Variants in PRSS41 observed in about 807,000 individuals in gnomAD.
PRSS41 encodes the protein serine protease 41.
Under a neutral mutation model 28.8 loss-of-function variants are expected in PRSS41, and 37 were observed. The observed-to-expected ratio is 1.29, with a 90% CI of 0.99 to 1.69. The LOEUF (loss-of-function observed/expected upper bound fraction) is 1.69. PRSS41 is among the 40% of genes most tolerant of loss of function. PRSS41 has a pLI of 0.00. For synonymous variants in PRSS41, 195 were observed against 163.1 expected, an observed-to-expected ratio of 1.20 and a Z score of -1.49; for missense variants, 431 against 400.7, an observed-to-expected ratio of 1.08 and a Z score of -0.65.
At chr16:2,801,883 G>A (rs1396580663) in intron 4 of PRSS41, among the ~76,000 whole-genome samples, 3 of 152,076 alleles carry the variant, frequency 2.0e-5, no homozygotes, top group Admixed American at 6.5e-5. Flanking sequence ...GTGGTGGCCG[G>A]GCAGAGGGGC....
rs1452981403 is a variant in PRSS41 at position 2,798,679 on chromosome 16, G to A, written c.91+17G>A. 1 of 1,455,324 alleles carries A rather than the reference G, an allele frequency of 6.9e-7. No homozygotes were observed. The highest frequency in any genetic ancestry group is 9.0e-7 in the Non-Finnish European group (1 of 1,107,320). 90.2% of individuals were successfully genotyped at this position (1,455,324 alleles called of 1,614,324 possible). On this transcript the variant is annotated intron_variant, in intron 2 of 5. Coordinates refer to ENST00000399677, the Ensembl canonical transcript of PRSS41. ...TGTTGTCAGGTAGGGCGCCCAGGAC[G>A]CGCGATGCCAGCCAGGGCGGCTGGG... is the stretch of plus-strand genomic sequence containing the variant.
rs1157415203 is a variant in PRSS41 at position 2,798,553 on chromosome 16, G to C, written c.64+5G>C. 6.5e-7 allele frequency: 1 copy of C among 1,533,494 alleles called. No homozygotes were observed. Among genetic ancestry groups the C allele is most frequent in the Non-Finnish European group, 8.8e-7 (1 of 1,141,684 alleles). The allele number at this position is 1,533,494 out of a possible 1,614,324, so 95.0% of individuals were successfully genotyped here. A position where few individuals can be genotyped will look rare whatever the true frequency, so the allele number is the denominator to read the frequency against. ...GGGCTGGACTCGGGAAGCCGGGTGA[G>C]CTCGGGGCGCTACAGGCGGGACCGG... On this transcript the variant is annotated splice_donor_5th_base_variant and intron_variant, in intron 1 of 5. Transcript: ENST00000399677.
chr16:2,799,862 G>A (rs746814502), intron 4 of PRSS41, among the ~76,000 whole-genome samples: 8 of 152,262 alleles, frequency 5.3e-5, no homozygotes, highest in Non-Finnish European at 8.8e-5. Context: ...GAGTTCGGGA[G>A]GACCTGGTGA....
At chr16:2,801,877 TGGCCG>T (rs2068988618) in intron 4 of PRSS41, among the ~76,000 whole-genome samples, 1 of 151,112 alleles carries the variant, frequency 6.6e-6, no homozygotes, top group Admixed American at 6.6e-5. Context: ...GACGGGGTGG[TGGCCG>T]GGCAGAGGGG....
At position 2,804,872 on chromosome 16, in the gene PRSS41, C is replaced by G. The variant is rs557008873; in HGVS notation, c.700-42C>G. The G allele has an allele frequency of 6.0e-6, 9 of 1,491,872 alleles. No homozygotes were observed. The African/African-American group carries it at 1.3e-4, about 21-fold the overall frequency. 92.4% of individuals were successfully genotyped at this position (1,491,872 alleles called of 1,614,324 possible). A position where few individuals can be genotyped will look rare whatever the true frequency, so the allele number is the denominator to read the frequency against. On this transcript the variant is annotated intron_variant, in intron 5 of 5. Coordinates refer to ENST00000399677, the Ensembl canonical transcript of PRSS41. ...TGCTCTCATGGCCTCTGCTGCCCCA[C>G]CCACTCTGCCCCAGCCTGGGCTCAC...
intron 4 of PRSS41, among the ~76,000 whole-genome samples, chr16:2,803,569 A>G (rs1319758012): frequency 6.6e-6 from 1 of 152,252 alleles, no homozygotes; most frequent in African/African-American, 2.4e-5. Context: ...ATTACATAAG[A>G]AAAAGAGGAG....
chr16:2,801,059 G>C (rs1468152728), intron 4 of PRSS41, among the ~76,000 whole-genome samples: 1 of 152,050 alleles, frequency 6.6e-6, no homozygotes, highest in Middle Eastern at 3.2e-3. Flanking sequence ...GGCTGGTCTC[G>C]AACTCCTGAC....
exon 6 of PRSS41, chr16:2,805,139 C>T: frequency 1.3e-6 from 2 of 1,547,728 alleles, no homozygotes; most frequent in Middle Eastern, 3.4e-4. Context: ...CTGACTCCTG[C>T]AGCCATTCTG....
chr16:2,804,447 C>T, exon 5 of PRSS41: 2 of 1,551,504 alleles, frequency 1.3e-6, no homozygotes, highest in East Asian at 2.4e-5. Context: ...TAAACAACAC[C>T]AGGTGTAATT....
chr16:2,802,550 T>C (rs1420606174), intron 4 of PRSS41, among the ~76,000 whole-genome samples: 1 of 152,146 alleles, frequency 6.6e-6, no homozygotes, highest in Non-Finnish European at 1.5e-5. Context: ...GTGTAGGTTG[T>C]AGCGAGCCGA....
exon 4 of PRSS41, chr16:2,799,487 T>C: frequency 6.4e-7 from 1 of 1,552,108 alleles, no homozygotes; most frequent in Non-Finnish European, 8.7e-7. Context: ...TCCAGCCCAT[T>C]TGCATCGAGT....
chr16:2,804,207 T>G (rs1272590930), intron 4 of PRSS41, among the ~76,000 whole-genome samples, 182 bp from the exon 5 acceptor site: 1 of 152,190 alleles, frequency 6.6e-6, no homozygotes, highest in East Asian at 1.9e-4. Context: ...TATTGGGTTA[T>G]TCTGTGATAT....
chr16:2,801,310 A>C (rs1427564246), intron 4 of PRSS41, among the ~76,000 whole-genome samples: 1 of 151,822 alleles, frequency 6.6e-6, no homozygotes, highest in South Asian at 2.1e-4. Context: ...TGTTTTATCA[A>C]TATGTAATGT....
intron 4 of PRSS41, among the ~76,000 whole-genome samples, chr16:2,803,646 CTTTG>C (rs1371377759): frequency 2.0e-5 from 3 of 152,174 alleles, no homozygotes; most frequent in South Asian, 2.1e-4. Flanking sequence ...GACCAGGGCT[CTTTG>C]TTTGTATGAC....
rs758404844 is a variant in PRSS41, at chr16:2,804,584, C to T, written c.699+38C>T. Reference sequence around the variant, plus strand: ...ACCCCACCAGGGAATCCCACCCTCTCCAGCTCTACACCTGAGAGCAGCTAC... The same window carrying T: ...ACCCCACCAGGGAATCCCACCCTCTTCAGCTCTACACCTGAGAGCAGCTAC... On this transcript the variant is annotated intron_variant, in intron 5 of 5. Transcript: ENST00000399677. The T allele has an allele frequency of 1.2e-5, 18 of 1,541,486 alleles. No individual in the cohort carries two copies. In the African/African-American group the frequency reaches 2.1e-4, roughly 18 times the overall value.
At chr16:2,798,531 C>G (rs1182945423) in exon 1 of PRSS41, 8 of 1,530,268 alleles carry the variant, frequency 5.2e-6, no homozygotes, top group Non-Finnish European at 6.1e-6. Context: ...CTGGCTCGGG[C>G]TGGACTCGGG....
At chr16:2,798,846 G>A (rs2068965360) in intron 2 of PRSS41, 113 bp from the exon 3 acceptor site, 6 of 1,296,278 alleles carry the variant, frequency 4.6e-6, no homozygotes, top group South Asian at 1.6e-5. Context: ...TTCTTGGCGC[G>A]CGGTTCCCCG....
intron 4 of PRSS41, among the ~76,000 whole-genome samples, chr16:2,800,692 G>A (rs1051654016): frequency 1.3e-5 from 2 of 152,136 alleles, no homozygotes; most frequent in African/African-American, 4.8e-5. Flanking sequence ...GTACACTACT[G>A]TAGACTTTAT....
At chr16:2,802,349 C>T (rs2150799649) in intron 4 of PRSS41, among the ~76,000 whole-genome samples, 1 of 151,212 alleles carries the variant, frequency 6.6e-6, no homozygotes, top group Middle Eastern at 3.4e-3. Context: ...GCGCTCCTCA[C>T]TTCCTAGATG....
Sources: gnomAD v4.1 joint callset for allele counts (sites outside exome capture counted in the v4.1 genomes callset) on GRCh38, gnomAD v4.1.1 for gene constraint, MANE v1.5 for transcripts, NCBI Gene and HGNC (gene_info 2026-07-23, HGNC 2026-07-21) for gene names.